POLG: variants seen among roughly 807,000 people sequenced by gnomAD.
POLG encodes the protein DNA polymerase subunit gamma-1.
Under a neutral mutation model 155.4 loss-of-function variants are expected in POLG, and 110 were observed. The ratio of observed to expected loss-of-function variants is 0.71; its 90% CI spans 0.61 to 0.83. The LOEUF (loss-of-function observed/expected upper bound fraction) is 0.83, where lower values mean the gene tolerates loss of function less well. Ranked by LOEUF, POLG falls within the 40% of genes least tolerant of loss-of-function variation. The pLI is 0.00. For missense variants in POLG, 1,685 were observed against 1,627.5 expected (o/e 1.04, Z -0.61); for synonymous variants, 701 against 631.5 (o/e 1.11, Z -1.65).
intron 22 of POLG, 55 bp downstream of exon 22, chr15:89,317,321 T>C (rs1245210064): frequency 2.5e-5 from 40 of 1,578,778 alleles, no homozygotes; most frequent in Middle Eastern, 1.7e-4. Context: ...CAAGACCCAC[T>C]TTCTAGTCCA....
chr15:89,325,837 T>C lies in POLG; in HGVS notation c.1713-151A>G, dbSNP rs540832746. Reference sequence around the variant, plus strand: ...ACAGCCGCCATCCCCTCCTCTGGGATGCTTTAGCCAGGACCCCCATGGAAT... The same window carrying C: ...ACAGCCGCCATCCCCTCCTCTGGGACGCTTTAGCCAGGACCCCCATGGAAT... On this transcript the variant is annotated intron_variant, in intron 9 of 22. Coordinates refer to ENST00000268124, the MANE Select transcript of POLG (RefSeq NM_002693.3). 348 of 725,460 alleles carry C rather than the reference T, an allele frequency of 4.8e-4. 1 individual carries two copies. Among genetic ancestry groups the C allele is most frequent in the Non-Finnish European group, 6.5e-4 (261 of 404,214 alleles). 44.9% of individuals were successfully genotyped at this position (725,460 alleles called of 1,614,324 possible).
intron 13 of POLG, 117 bp from the exon 14 acceptor site, chr15:89,323,019 C>T: frequency 9.7e-7 from 1 of 1,034,382 alleles, no homozygotes; most frequent in Middle Eastern, 3.2e-4. Context: ...CAGTCTGAGG[C>T]AAATCCCTGA....
chr15:89,327,342 G>A lies in POLG; in HGVS notation c.1258C>T (p.His420Tyr). The A allele has an allele frequency of 6.2e-7, 1 of 1,613,392 alleles. No homozygotes were observed. ...QLPLFLERCP[H>Y]PVTLAGMLEM... ...AGCATGCCGGCCAGAGTCACTGGGTGGGGACACCTTGGAGGCAAACACCAG... is the reference window on the plus strand; with the variant it reads ...AGCATGCCGGCCAGAGTCACTGGGTAGGGACACCTTGGAGGCAAACACCAG... Residue 420 changes from histidine (H) to tyrosine (Y), a missense_variant, in exon 7 of 23, where the codon CAC (histidine) becomes TAC (tyrosine). Around this residue, in one of 3 missense-constraint regions of POLG, gnomAD observed 1,210 missense variants for 1,167.1 expected, o/e 1.04. Coordinates refer to ENST00000268124, the MANE Select transcript of POLG (RefSeq NM_002693.3).
intron 2 of POLG, among the ~76,000 whole-genome samples, chr15:89,330,673 G>A (rs986965026): frequency 2.0e-5 from 3 of 151,404 alleles, no homozygotes; most frequent in African/African-American, 7.3e-5. Flanking sequence ...ACTGTTCAAA[G>A]TACTAGTAAA....
intron 20 of POLG, 85 bp downstream of exon 20, chr15:89,318,846 C>T (rs1159670193): frequency 1.9e-6 from 3 of 1,576,448 alleles, no homozygotes; most frequent in Non-Finnish European, 8.7e-7. Context: ...CTGGCCCTAC[C>T]TACAAACATT....
At chr15:89,328,628 A>T in intron 5 of POLG, 57 bp downstream of exon 5, 1 of 1,608,078 alleles carries the variant, frequency 6.2e-7, no homozygotes. Flanking sequence ...CATCTCCCCA[A>T]GTGCAGCTAG....
rs775576189 is a variant in POLG at position 89,327,324 on chromosome 15, C to G, written c.1276G>C (p.Gly426Arg). ...ERCPHPVTLA[G>R]MLEMGVSYLP... is the part of the protein sequence containing the mutation. ...TAGGAGACACCCATCTCCAGCATGC[C>G]GGCCAGAGTCACTGGGTGGGGACAC... is the stretch of plus-strand genomic sequence containing the variant. Residue 426 changes from glycine to arginine, a missense_variant, in exon 7 of 23, where the codon GGC becomes CGC. Around this residue, in one of 3 missense-constraint regions of POLG, gnomAD observed 1,210 missense variants for 1,167.1 expected, o/e 1.04. Transcript: ENST00000268124. 1.2e-6 allele frequency: 2 copies of G among 1,613,732 alleles called. No homozygotes were observed. Among genetic ancestry groups the G allele is most frequent in the Non-Finnish European group, 1.7e-6 (2 of 1,180,038 alleles).
Position 89,333,587 on chromosome 15 carries a change from A to C in POLG, c.168T>G (p.Pro56=). 1 of 1,605,880 alleles carries C rather than the reference A, an allele frequency of 6.2e-7. No homozygotes were observed. The highest frequency in any genetic ancestry group is 8.5e-7 in the Non-Finnish European group (1 of 1,177,058). ...CCGAGGATAGCACTTGCGGCTGCTG[A>C]GGCTGCTGTTGCTGCTGCTGCTGCT... ...QQQQQQQQQQ[P]QQPQVLSSEG... The change falls in exon 2 of 23, where the codon CCT becomes CCG. Residue 56 remains proline (P), a synonymous_variant. Coordinates refer to ENST00000268124, the MANE Select transcript of POLG (RefSeq NM_002693.3).
rs539052207 is a variant in POLG at position 89,334,249 on chromosome 15, G to A, written c.-159-336C>T. ...TCCTTAGGCCCTGATATCCTATTCT[G>A]TAAAATGGGATTACGGATTCTGCCT... On this transcript the variant is annotated intron_variant, in intron 1 of 22. Coordinates refer to ENST00000268124, the MANE Select transcript of POLG (RefSeq NM_002693.3). 11 of 183,120 alleles carry A rather than the reference G, an allele frequency of 6.0e-5. No homozygotes were observed. The South Asian group carries it at 6.4e-4, about 11-fold the overall frequency. The allele number at this position is 183,120 out of a possible 1,614,324, so 11.3% of individuals were successfully genotyped here.
rs761301063 is a variant in POLG, at chr15:89,333,232, A to T, written c.523T>A (p.Trp175Arg). 6.3e-7 allele frequency: 1 copy of T among 1,579,540 alleles called. No homozygotes were observed. The highest frequency in any genetic ancestry group is 8.6e-7 in the Non-Finnish European group (1 of 1,160,388). ...TCCCCCTCGGGGCCGTACCGGGTCC[A>T]GCCCTCCGCCCAGGCCCAAGCCGGG... is the stretch of plus-strand genomic sequence containing the variant. The part of the protein sequence containing the change: ...KPPAWAWAEG[W>R]TRYGPEGEAV... The change falls in exon 2 of 23, where the codon TGG (tryptophan) becomes AGG (arginine). Residue 175 changes from tryptophan (W) to arginine (R), a missense_variant. By Grantham distance (101) the Trp-to-Arg change is moderately radical. Coordinates refer to ENST00000268124, the MANE Select transcript of POLG (RefSeq NM_002693.3).
chr15:89,325,243 TGAGTGAGAGAGA>T (rs1437287306), intron 10 of POLG, among the ~76,000 whole-genome samples, 195 bp downstream of exon 10: 3 of 79,360 alleles, frequency 3.8e-5, no homozygotes, highest in African/African-American at 1.5e-4. Flanking sequence ...AGAGAGTGAG[TGAGTGAGAGAGA>T]GAGTGAGTGA....
rs2307427 is a variant in POLG at position 89,317,297 on chromosome 15, A to G, written c.3643+79T>C. On this transcript the variant is annotated intron_variant, in intron 22 of 22. Coordinates refer to ENST00000268124, the MANE Select transcript of POLG (RefSeq NM_002693.3). ...CAAGAGTGGATTCTCTGGGGCCCCA[A>G]GTTTCCTGTTCTCCAAGACCCACTT... 1,936 of 1,471,542 alleles carry G rather than the reference A, an allele frequency of 1.3e-3. 21 individuals are homozygous for G. The African/African-American group carries it at 0.019, about 14-fold the overall frequency. The allele number at this position is 1,471,542 out of a possible 1,614,324, so 91.2% of individuals were successfully genotyped here.
Position 89,328,614 on chromosome 15 carries a change from G to T in POLG, c.1170+71C>A, listed in dbSNP as rs1002672543. On this transcript the variant is annotated intron_variant, in intron 5 of 22. Coordinates refer to ENST00000268124, the MANE Select transcript of POLG (RefSeq NM_002693.3). ...CCAGCTCTCAGGGTCAGGCCTGGCAGCTGCATCTCCCCAAGTGCAGCTAGG... is the reference window on the plus strand; with the variant it reads ...CCAGCTCTCAGGGTCAGGCCTGGCATCTGCATCTCCCCAAGTGCAGCTAGG... The T allele has an allele frequency of 4.8e-5, 77 of 1,608,700 alleles. No homozygotes were observed. The African/African-American group carries it at 1.0e-3, about 21-fold the overall frequency.
chr15:89,332,121 C>G (rs555320351), intron 2 of POLG: 1 of 152,362 alleles, frequency 6.6e-6, no homozygotes, highest in African/African-American at 2.4e-5. Context: ...CTTTGACCAT[C>G]AAGTTACATA....
At chr15:89,317,193 TTTCTGAAACATCATA>T (rs1468306338) in intron 22 of POLG, 168 bp downstream of exon 22, 14 of 636,806 alleles carry the variant, frequency 2.2e-5, no homozygotes, top group Non-Finnish European at 3.9e-5. Context: ...GCTGCCTTCA[TTTCTGAAACATCATA>T]TCACATTCAC....
rs764492040 is a variant in POLG, at chr15:89,328,995, G to C, written c.971C>G (p.Pro324Arg). 3.7e-6 allele frequency: 6 copies of C among 1,613,552 alleles called. No individual in the cohort carries two copies. The highest frequency in any genetic ancestry group is 5.1e-6 in the Non-Finnish European group (6 of 1,180,046). Residue 324 changes from proline to arginine, a missense_variant, in exon 4 of 23, where the codon CCC (proline) becomes CGC (arginine). Around this residue, in one of 3 missense-constraint regions of POLG, gnomAD observed 1,210 missense variants for 1,167.1 expected, o/e 1.04. Transcript: ENST00000268124. ...AAKQGKHKVQPPTKQGQKSQR... is the reference protein window; with the variant it reads ...AAKQGKHKVQRPTKQGQKSQR... ...GGACTTCTGGCCTTGCTTTGTGGGGGGCTGGACCTTGTGTTTGCCCTGCTT... is the reference window on the plus strand; with the variant it reads ...GGACTTCTGGCCTTGCTTTGTGGGGCGCTGGACCTTGTGTTTGCCCTGCTT...
rs1015705626 is a variant in POLG at position 89,323,846 on chromosome 15, C to T, written c.2126G>A (p.Arg709Gln). The T allele has an allele frequency of 8.7e-6, 14 of 1,614,040 alleles. No homozygotes were observed. Among genetic ancestry groups the T allele is most frequent in the East Asian group, 2.2e-5 (1 of 44,892 alleles). Residue 709 changes from arginine to glutamine, a missense_variant, in exon 12 of 23, where the codon CGA becomes CAA. Arg to Gln is a conservative substitution (Grantham distance 43, BLOSUM62 1). This residue lies in a region of POLG where 1,210 missense variants were observed against 1,167.1 expected (regional missense o/e 1.04). Coordinates refer to ENST00000268124, the MANE Select transcript of POLG (RefSeq NM_002693.3). ...VEAEAKMENL[R>Q]AAVPGQPLAL... ...TAGGGGTTGACCTGGCACTGCAGCT[C>T]GCAAGTTCTCCATCTTGGCCTCAGC...
intron 10 of POLG, among the ~76,000 whole-genome samples, chr15:89,325,163 T>TGAGTGAGA: frequency 2.1e-5 from 1 of 48,200 alleles, no homozygotes; most frequent in South Asian, 7.4e-4. Context: ...AGTGAGTGAG[T>TGAGTGAGA]GAGTGAGAGA....
In POLG at chr15:89,317,525, G is replaced by A; in HGVS notation, c.3494C>T (p.Ala1165Val). 2 of 1,613,890 alleles carry A rather than the reference G, an allele frequency of 1.2e-6. No homozygotes were observed. Among genetic ancestry groups the A allele is most frequent in the Non-Finnish European group, 1.7e-6 (2 of 1,179,844 alleles). ...ITNLLTRCMF[A>V]YKLGLNDLPQ... ...CAAGTCATTCAGACCCAGCTTGTAG[G>A]CAAACATGCACCTGAAAGAGACCCA... The change falls in exon 22 of 23, where the codon GCC (alanine) becomes GTC (valine). Residue 1165 changes from alanine to valine, a missense_variant. By Grantham distance (64) the Ala-to-Val change is moderately conservative (BLOSUM62 0). This residue lies in a region of POLG where 470 missense variants were observed against 439.9 expected (regional missense o/e 1.07). Coordinates refer to ENST00000268124, the MANE Select transcript of POLG (RefSeq NM_002693.3).
Sources: allele counts gnomAD v4.1 joint callset (sites outside exome capture counted in the v4.1 genomes callset), GRCh38; gene constraint gnomAD v4.1.1; regional missense constraint gnomAD v4.1.1; transcripts MANE v1.5; gene names NCBI Gene and HGNC (gene_info 2026-07-23, HGNC 2026-07-21).